The following TGFBI variants were observed in gnomAD, a reference collection of about 807,000 sequenced individuals.
TGFBI encodes the protein transforming growth factor beta induced.
In TGFBI, 50 loss-of-function variants were observed where a neutral mutation model predicts 73.7. That is an observed-to-expected ratio of 0.68 (90% CI 0.54 to 0.86). The LOEUF is 0.86. Among genes scored for constraint, TGFBI ranks in the 40% least tolerant of loss-of-function variants. The pLI, the probability that TGFBI is intolerant of heterozygous loss-of-function variation, is 0.00. For synonymous variants in TGFBI, 362 were observed against 360.5 expected (o/e 1.00, Z -0.05); for missense variants, 839 against 877.0 (o/e 0.96, Z 0.55).
In TGFBI at chr5:136,049,541, A is replaced by T. The variant is rs1399433094; in HGVS notation, c.874A>T (p.Thr292Ser). Residue 292 changes from threonine (T) to serine (S), a missense_variant, in exon 7 of 17, where the codon ACT (threonine) becomes TCT (serine). Coordinates refer to ENST00000442011, the MANE Select transcript of TGFBI (RefSeq NM_000358.3). ...GGCCTTCGAGAAGATCCCTAGTGAG[A>T]CTTTGAACCGTATCCTGGGCGACCC... ...NEAFEKIPSETLNRILGDPEA... is the reference protein window; with the variant it reads ...NEAFEKIPSESLNRILGDPEA... The T allele has an allele frequency of 1.2e-6, 2 of 1,613,892 alleles. No homozygotes were observed. The highest frequency in any genetic ancestry group is 1.7e-6 in the Non-Finnish European group (2 of 1,179,854).
intron 2 of TGFBI, among the ~76,000 whole-genome samples, chr5:136,041,300 C>T (rs1287548606): frequency 6.6e-6 from 1 of 152,210 alleles, no homozygotes; most frequent in Non-Finnish European, 1.5e-5. Context: ...CGAGAAGACT[C>T]AGTGGCCTGA....
chr5:136,047,146 C>T, intron 5 of TGFBI, 128 bp from the exon 6 acceptor site: 1 of 1,521,558 alleles, frequency 6.6e-7, no homozygotes, highest in Non-Finnish European at 8.9e-7. Flanking sequence ...CTCCTTGGGC[C>T]CTCTATTCCA....
rs1246278138 is a variant in TGFBI at position 136,063,318 on chromosome 5, A to G, written c.*92A>G. The G allele has an allele frequency of 2.5e-6, 3 of 1,196,652 alleles. No homozygotes were observed. The highest frequency in any genetic ancestry group is 1.5e-5 in the African/African-American group (1 of 66,446). 74.1% of individuals were successfully genotyped at this position (1,196,652 alleles called of 1,614,324 possible). A position where few individuals can be genotyped will look rare whatever the true frequency, so the allele number is the denominator to read the frequency against. ...GACTGTTTGAATGTTTTCAAAACCA[A>G]GTATCACACTTTAATGTACATGGGC... On this transcript the variant is annotated 3_prime_UTR_variant, in exon 17 of 17. Transcript: ENST00000442011.
intron 1 of TGFBI, 67 bp from the exon 2 acceptor site, chr5:136,033,696 G>A (rs1270289932): frequency 7.3e-7 from 1 of 1,366,692 alleles, no homozygotes; most frequent in Non-Finnish European, 1.0e-6. Flanking sequence ...AGGCAAACAC[G>A]ATGGGAGTCA....
chr5:136,036,026 G>A (rs556011099), intron 2 of TGFBI, among the ~76,000 whole-genome samples: 1 of 152,302 alleles, frequency 6.6e-6, no homozygotes, highest in African/African-American at 2.4e-5. Context: ...GAGTCGCCTT[G>A]GCTCTTGTAC....
chr5:136,061,573 T>C lies in TGFBI; in HGVS notation c.1980T>C (p.Phe660=). ...ALEIFKQASA[F]SRASQRSVRL... ...AGATCTTCAAACAAGCATCAGCGTTTTCCAGGGTAAGATGCCTGCTAGGTT... is the reference window on the plus strand; with the variant it reads ...AGATCTTCAAACAAGCATCAGCGTTCTCCAGGGTAAGATGCCTGCTAGGTT... Residue 660 remains phenylalanine, a synonymous_variant, in exon 15 of 17, where the codon TTT becomes TTC. Coordinates refer to ENST00000442011, the MANE Select transcript of TGFBI (RefSeq NM_000358.3). 1 of 1,613,570 alleles carries C rather than the reference T, an allele frequency of 6.2e-7. No homozygotes were observed. Among genetic ancestry groups the C allele is most frequent in the Non-Finnish European group, 8.5e-7 (1 of 1,179,724 alleles).
At chr5:136,038,453 A>C (rs1751269324) in intron 2 of TGFBI, among the ~76,000 whole-genome samples, 1 of 152,146 alleles carries the variant, frequency 6.6e-6, no homozygotes, top group Non-Finnish European at 1.5e-5. Flanking sequence ...CTGGTGGTTC[A>C]CGCCTTTAAT....
chr5:136,047,455 G>A (rs757169288), intron 6 of TGFBI, 35 bp downstream of exon 6: 2 of 1,612,066 alleles, frequency 1.2e-6, no homozygotes, highest in South Asian at 1.1e-5. Context: ...CCCAGGCTTG[G>A]GACACATTGC....
At chr5:136,055,129 A>G in intron 10 of TGFBI, 1 of 421,380 alleles carries the variant, frequency 2.4e-6, no homozygotes, top group Non-Finnish European at 4.2e-6. Flanking sequence ...TCAGGAATTA[A>G]CACCTGGGAG....
chr5:136,050,805 C>A (rs906545641), intron 7 of TGFBI, among the ~76,000 whole-genome samples: 3 of 152,218 alleles, frequency 2.0e-5, no homozygotes, highest in African/African-American at 7.2e-5. Flanking sequence ...GGGCATATTT[C>A]TGAAAGCACA....
In TGFBI at chr5:136,029,078, T is replaced by G; in HGVS notation, c.23T>G (p.Leu8Arg). Residue 8 changes from leucine to arginine, a missense_variant, in exon 1 of 17, where the codon CTG becomes CGG. By Grantham distance (102) the Leu-to-Arg change is moderately radical. Transcript: ENST00000442011. MALFVRL[L>R]ALALALALGP... Reference sequence around the variant, plus strand: ...TCCATGGCGCTCTTCGTGCGGCTGCTGGCTCTCGCCCTGGCTCTGGCCCTG... The same window carrying G: ...TCCATGGCGCTCTTCGTGCGGCTGCGGGCTCTCGCCCTGGCTCTGGCCCTG... The G allele has an allele frequency of 2.6e-6, 4 of 1,527,812 alleles. No homozygotes were observed. Among genetic ancestry groups the G allele is most frequent in the Non-Finnish European group, 3.5e-6 (4 of 1,144,288 alleles). The allele number at this position is 1,527,812 out of a possible 1,614,324, so 94.6% of individuals were successfully genotyped here. A position where few individuals can be genotyped will look rare whatever the true frequency, so the allele number is the denominator to read the frequency against.
Position 136,063,168 on chromosome 5 carries a change from C to A in TGFBI, c.2012-18C>A, listed in dbSNP as rs777255606. 6.2e-7 allele frequency: 1 copy of A among 1,612,636 alleles called. No homozygotes were observed. The highest frequency in any genetic ancestry group is 1.7e-5 in the Admixed American group (1 of 60,006). On this transcript the variant is annotated intron_variant, in intron 16 of 16. Transcript: ENST00000442011. ...GGAGATCTGCACCTATTTGACGTTA[C>A]CAACTTCTCTTTTTCAGCCCCTGTC...
intron 2 of TGFBI, among the ~76,000 whole-genome samples, chr5:136,035,769 C>G (rs911997355): frequency 1.3e-5 from 2 of 151,936 alleles, no homozygotes; most frequent in African/African-American, 4.8e-5. Context: ...GGAAGGTGAC[C>G]AGAGTGCTAG....
intron 2 of TGFBI, among the ~76,000 whole-genome samples, chr5:136,040,470 C>A (rs1751309716): frequency 6.6e-6 from 1 of 152,212 alleles, no homozygotes; most frequent in Admixed American, 6.5e-5. Context: ...TGTAAGGGAT[C>A]TAGCTTGTGC....
intron 13 of TGFBI, 65 bp downstream of exon 13, chr5:136,059,279 AC>A: frequency 5.1e-6 from 8 of 1,573,154 alleles, no homozygotes; most frequent in Non-Finnish European, 6.9e-6. Context: ...GACATATCTC[AC>A]CCCCAGGATG....
At chr5:136,057,132 C>G (rs1351944739) in intron 12 of TGFBI, among the ~76,000 whole-genome samples, 1 of 152,156 alleles carries the variant, frequency 6.6e-6, no homozygotes, top group Non-Finnish European at 1.5e-5. Context: ...CCACTCAGCG[C>G]CCCAGCCTCC....
intron 8 of TGFBI, 21 bp from the exon 9 acceptor site, chr5:136,053,922 C>G: frequency 6.2e-7 from 1 of 1,610,860 alleles, no homozygotes; most frequent in Non-Finnish European, 8.5e-7. Flanking sequence ...ACTTTTGAAC[C>G]CACTTTCTCC....
At chr5:136,053,749 T>C (rs961668292) in intron 8 of TGFBI, among the ~76,000 whole-genome samples, 194 bp from the exon 9 acceptor site, 1 of 152,176 alleles carries the variant, frequency 6.6e-6, no homozygotes. Flanking sequence ...CTCCTCCCTC[T>C]CCTCCTGACT....
rs762155321 is a variant in TGFBI, at chr5:136,056,785, C to A, written c.1668C>A (p.Ser556Arg). 3.7e-6 allele frequency: 6 copies of A among 1,613,416 alleles called. No homozygotes were observed. The South Asian group carries it at 5.5e-5, about 15-fold the overall frequency. Residue 556 changes from serine to arginine, a missense_variant, in exon 12 of 17, where the codon AGC (serine) becomes AGA (arginine). Coordinates refer to ENST00000442011, the MANE Select transcript of TGFBI (RefSeq NM_000358.3). Reference protein sequence around the residue: ...AFRALPPRERSRLLGDAKELA... With the variant: ...AFRALPPRERRRLLGDAKELA... ...GAGCCCTGCCACCAAGAGAACGGAG[C>A]AGACTCTTGGGTAAAGACCAACTTA...
Sources: allele counts gnomAD v4.1 joint callset (sites outside exome capture counted in the v4.1 genomes callset), GRCh38; gene constraint gnomAD v4.1.1; transcripts MANE v1.5; gene names NCBI Gene and HGNC (gene_info 2026-07-23, HGNC 2026-07-21).